CDS1: variants seen among roughly 807,000 people sequenced by gnomAD.
CDS1 encodes phosphatidate cytidylyltransferase 1.
In CDS1, 41 loss-of-function variants were observed where a neutral mutation model predicts 62.1. That is an observed-to-expected ratio of 0.66 (90% CI 0.51 to 0.86). CDS1 has a LOEUF of 0.86. Among genes scored for constraint, CDS1 ranks in the 40% least tolerant of loss-of-function variants. The probability of loss-of-function intolerance (pLI) is 0.00; values close to 1 mark genes in which losing one functional copy is unlikely to be tolerated. For missense variants in CDS1, 470 were observed against 550.1 expected (o/e 0.85, Z 1.46); for synonymous variants, 185 against 192.6 (o/e 0.96, Z 0.32).
chr4:84,626,342 A>G (rs1008072791), intron 5 of CDS1, among the ~76,000 whole-genome samples: 2 of 152,236 alleles, frequency 1.3e-5, no homozygotes, highest in African/African-American at 4.8e-5. Flanking sequence ...TGCAGTTGTA[A>G]GAAATAATAG....
At chr4:84,587,157 A>G (rs935637654) in intron 1 of CDS1, among the ~76,000 whole-genome samples, 1 of 152,180 alleles carries the variant, frequency 6.6e-6, no homozygotes. Context: ...CTCAGAACCA[A>G]TGAGCTTCAA....
chr4:84,645,156 A>T (rs111611460), intron 11 of CDS1, 66 bp from the exon 12 acceptor site: 1 of 1,009,364 alleles, frequency 9.9e-7, no homozygotes, highest in Admixed American at 1.8e-5. Flanking sequence ...CCAAAGAGAC[A>T]CAGATAGGAA....
At chr4:84,631,727 G>A (rs1488292433) in intron 5 of CDS1, 92 bp from the exon 6 acceptor site, 1 of 962,424 alleles carries the variant, frequency 1.0e-6, no homozygotes, top group Non-Finnish European at 1.7e-6. Flanking sequence ...ATGCCTAGCT[G>A]TGATACAGCA....
rs906675526 is a variant in CDS1, at chr4:84,642,626, T to C, written c.1033-398T>C. 3.9e-5 allele frequency among the ~76,000 whole-genome samples: 6 copies of C among 152,146 alleles called. No homozygotes were observed. In the East Asian group the frequency reaches 1.2e-3, roughly 29 times the overall value. On this transcript the variant is annotated intron_variant, in intron 10 of 12. Transcript: ENST00000295887. ...CCAACTTTTCCCTTATTTTATCATA[T>C]AAAATTAAGGTGAAATAAAATACAA... is the stretch of plus-strand genomic sequence containing the variant.
rs1278226155 is a variant in CDS1 at position 84,583,460 on chromosome 4, C to T, written c.59C>T (p.Pro20Leu). 6.3e-7 allele frequency: 1 copy of T among 1,583,772 alleles called. No individual in the cohort carries two copies. Among genetic ancestry groups the T allele is most frequent in the Non-Finnish European group, 8.6e-7 (1 of 1,166,300 alleles). The change falls in exon 1 of 13, where the codon CCA becomes CTA. Residue 20 changes from proline (P) to leucine (L), a missense_variant. Around this residue, in one of 5 missense-constraint regions of CDS1, gnomAD observed 150 missense variants for 142.0 expected, o/e 1.06. Transcript: ENST00000295887. Reference protein sequence around the residue: ...CPGPREAVSPPHREGEAAGGD... With the variant: ...CPGPREAVSPLHREGEAAGGD... ...GGCCCCAGGGAAGCGGTGTCGCCGCCACACCGCGAGGGAGAGGCGGCCGGC... is the reference window on the plus strand; with the variant it reads ...GGCCCCAGGGAAGCGGTGTCGCCGCTACACCGCGAGGGAGAGGCGGCCGGC...
At chr4:84,637,072 G>A (rs1724234804) in intron 8 of CDS1, among the ~76,000 whole-genome samples, 1 of 152,162 alleles carries the variant, frequency 6.6e-6, no homozygotes, top group South Asian at 2.1e-4. Context: ...AAAAACCTCT[G>A]TAAACTCTTC....
In CDS1 at chr4:84,631,862, T is replaced by C; in HGVS notation, c.624T>C (p.Arg208=). ...FVLSLVKKHY[R]LQFYMFAWTH... is the part of the protein sequence containing the mutation. ...TGAGTTTGGTGAAGAAACATTATCG[T>C]CTGCAGTTTTATATGGTGTGTATTA... is the stretch of plus-strand genomic sequence containing the variant. The change falls in exon 6 of 13, where the codon CGT becomes CGC. Residue 208 remains arginine (R), a synonymous_variant. Transcript: ENST00000295887. 1 of 1,610,438 alleles carries C rather than the reference T, an allele frequency of 6.2e-7. No homozygotes were observed. Among genetic ancestry groups the C allele is most frequent in the Non-Finnish European group, 8.5e-7 (1 of 1,176,854 alleles).
chr4:84,593,930 G>A (rs1722670124), intron 1 of CDS1, among the ~76,000 whole-genome samples: 1 of 152,212 alleles, frequency 6.6e-6, no homozygotes, highest in Non-Finnish European at 1.5e-5. Flanking sequence ...AAGATAAGGG[G>A]TGAGGCAGCG....
At chr4:84,613,410 A>C (rs925632287) in intron 3 of CDS1, among the ~76,000 whole-genome samples, 1 of 152,132 alleles carries the variant, frequency 6.6e-6, no homozygotes, top group Non-Finnish European at 1.5e-5. Flanking sequence ...GAAGTTCAAG[A>C]CCAGCCTGGC....
At position 84,650,490 on chromosome 4, in the gene CDS1, G is replaced by A. The variant is rs1357508462; in HGVS notation, c.*1804G>A. ...CATAAAAAAAATTTAGGCTACCAAA[G>A]TTTAAAGAATAAAATGAAAATTTTA... On this transcript the variant is annotated 3_prime_UTR_variant, in exon 13 of 13. Coordinates refer to ENST00000295887, the MANE Select transcript of CDS1 (RefSeq NM_001263.4). The A allele has an allele frequency of 2.0e-5, 3 of 152,036 alleles. No individual in the cohort carries two copies. Among genetic ancestry groups the A allele is most frequent in the Non-Finnish European group, 4.4e-5 (3 of 68,000 alleles). 9.4% of individuals were successfully genotyped at this position (152,036 alleles called of 1,614,324 possible).
chr4:84,634,767 AAGT>A (rs1222836773), intron 7 of CDS1, among the ~76,000 whole-genome samples: 1 of 152,168 alleles, frequency 6.6e-6, no homozygotes, highest in African/African-American at 2.4e-5. Context: ...TTACTGAAGT[AAGT>A]AGGTTCTGTA....
chr4:84,590,619 G>A (rs956166970), intron 1 of CDS1, among the ~76,000 whole-genome samples: 1 of 152,080 alleles, frequency 6.6e-6, no homozygotes, highest in Admixed American at 6.5e-5. Flanking sequence ...TAGAATTTAA[G>A]GACAATACTT....
At chr4:84,638,531 G>A (rs898719479) in intron 8 of CDS1, among the ~76,000 whole-genome samples, 3 of 152,032 alleles carry the variant, frequency 2.0e-5, no homozygotes, top group African/African-American at 4.8e-5. Flanking sequence ...GTGTGTACTT[G>A]GAATGAATAC....
At chr4:84,635,235 C>T in intron 7 of CDS1, 29 bp from the exon 8 acceptor site, 2 of 1,153,318 alleles carry the variant, frequency 1.7e-6, no homozygotes, top group Non-Finnish European at 2.5e-6. Flanking sequence ...CTTTTTTCTG[C>T]TGACTTTTTT....
At chr4:84,597,581 G>T (rs1225249488) in intron 1 of CDS1, among the ~76,000 whole-genome samples, 1 of 152,154 alleles carries the variant, frequency 6.6e-6, no homozygotes, top group Non-Finnish European at 1.5e-5. Context: ...TGAGGCTGTA[G>T]TGAGTCATGA....
intron 1 of CDS1, among the ~76,000 whole-genome samples, chr4:84,591,452 C>T (rs1490473809): frequency 6.6e-6 from 1 of 151,972 alleles, no homozygotes. Flanking sequence ...TTTTTGGTGG[C>T]TTTTTTATAC....
rs745919858 is a variant in CDS1, at chr4:84,633,232, A to G, written c.640-625A>G. ...CTCGTACATGGAAACCATATTGATT[A>G]TATTAAAAGTGGCCATCTCTCAGGC... On this transcript the variant is annotated intron_variant, in intron 6 of 12. Transcript: ENST00000295887. 6.9e-4 allele frequency among the ~76,000 whole-genome samples: 105 copies of G among 152,250 alleles called. 1 individual carries two copies. Among genetic ancestry groups the G allele is most frequent in the Admixed American group, 8.5e-4 (13 of 15,270 alleles).
At chr4:84,623,960 G>C (rs1723769947) in intron 5 of CDS1, among the ~76,000 whole-genome samples, 1 of 152,050 alleles carries the variant, frequency 6.6e-6, no homozygotes, top group South Asian at 2.1e-4. Context: ...CAGGAGCCAG[G>C]TGTTTCAAGA....
intron 12 of CDS1, among the ~76,000 whole-genome samples, chr4:84,645,843 G>A (rs1279548740): frequency 1.3e-5 from 2 of 152,182 alleles, no homozygotes; most frequent in African/African-American, 4.8e-5. Context: ...TTTGTTAGAT[G>A]GTTGTAAGTG....
Sources: gnomAD v4.1 joint callset for allele counts (sites outside exome capture counted in the v4.1 genomes callset) on GRCh38, gnomAD v4.1.1 for gene constraint, gnomAD v4.1.1 regional missense constraint, MANE v1.5 for transcripts, NCBI Gene and HGNC (gene_info 2026-07-23, HGNC 2026-07-21) for gene names.